Variants in RPRD2 observed in about 807,000 individuals in gnomAD.
RPRD2 encodes regulation of nuclear pre-mRNA domain-containing protein 2.
In RPRD2, 12 loss-of-function variants were observed where a neutral mutation model predicts 104.4. That is an observed-to-expected ratio of 0.11 (90% CI 0.07 to 0.19). The LOEUF is 0.19. Among genes scored for constraint, RPRD2 ranks in the 10% least tolerant of loss-of-function variants. The pLI is 1.00. For synonymous variants in RPRD2, 714 were observed against 684.9 expected, an observed-to-expected ratio of 1.04 and a Z score of -0.66; for missense variants, 1,543 against 1,790.1, an observed-to-expected ratio of 0.86 and a Z score of 2.49.
chr1:150,438,085 C>T (rs1281642801), intron 2 of RPRD2, among the ~76,000 whole-genome samples: 2 of 147,646 alleles, frequency 1.4e-5, no homozygotes, highest in Non-Finnish European at 3.0e-5. Flanking sequence ...AGTTTGAGAC[C>T]AGCCTGGCCA....
intron 1 of RPRD2, among the ~76,000 whole-genome samples, chr1:150,392,140 C>T (rs1454091024): frequency 1.3e-5 from 2 of 151,764 alleles, no homozygotes; most frequent in African/African-American, 4.8e-5. Flanking sequence ...GAGCCAGGAT[C>T]GCACCACTAC....
intron 1 of RPRD2, among the ~76,000 whole-genome samples, chr1:150,382,222 C>G (rs1661189304): frequency 1.4e-5 from 1 of 73,498 alleles, no homozygotes; most frequent in African/African-American, 3.3e-5. Flanking sequence ...TTTTTGAGCC[C>G]TTTCTTATTA....
Position 150,471,385 on chromosome 1 carries a change from CTGA to C in RPRD2, c.2440_2442del (p.Met814del). 2 of 1,613,800 alleles carry C rather than the reference CTGA, an allele frequency of 1.2e-6. No homozygotes were observed. Among genetic ancestry groups the C allele is most frequent in the Non-Finnish European group, 1.7e-6 (2 of 1,179,848 alleles). On this transcript the variant is annotated inframe_deletion, in exon 11 of 11. Coordinates refer to ENST00000369068, the MANE Select transcript of RPRD2 (RefSeq NM_015203.5). The surrounding 1 kb of genome is among the most constrained non-coding windows in gnomAD (Gnocchi z 5.3). ...TGATGGAATGGAGAGACCATCTTCC[CTGA>C]TGGACTCTTCACAGGAAAAGTTCTA...
chr1:150,435,706 A>G (rs182071527), intron 2 of RPRD2, among the ~76,000 whole-genome samples: 6 of 152,358 alleles, frequency 3.9e-5, no homozygotes, highest in Admixed American at 6.5e-5. Flanking sequence ...AGTCATCTCT[A>G]TAACACAAAA....
Position 150,414,195 on chromosome 1 carries a change from T to C in RPRD2, c.206-3401T>C, listed in dbSNP as rs1031359771. Among the ~76,000 whole-genome samples, 3 of 152,142 alleles carry C rather than the reference T, an allele frequency of 2.0e-5. No individual in the cohort carries two copies. The East Asian group carries it at 5.8e-4, about 29-fold the overall frequency. ...TACAGATATGGGAGTCATTGATACA[T>C]AGGTTGAAGTAGTTAAAGCAACTAG... On this transcript the variant is annotated intron_variant, in intron 1 of 10. Transcript: ENST00000369068.
chr1:150,427,214 T>C (rs1665201103), intron 2 of RPRD2, among the ~76,000 whole-genome samples: 2 of 152,174 alleles, frequency 1.3e-5, no homozygotes, highest in African/African-American at 4.8e-5. Flanking sequence ...GGCTCACGCC[T>C]GTAATCCCAG....
At chr1:150,385,311 C>T (rs1411892799) in intron 1 of RPRD2, among the ~76,000 whole-genome samples, 1 of 151,610 alleles carries the variant, frequency 6.6e-6, no homozygotes, top group Non-Finnish European at 1.5e-5. Flanking sequence ...CCCGCACCAC[C>T]CCCACCAAAA....
intron 1 of RPRD2, among the ~76,000 whole-genome samples, chr1:150,393,158 A>G (rs1662218166): frequency 6.6e-6 from 1 of 152,096 alleles, no homozygotes; most frequent in Non-Finnish European, 1.5e-5. Flanking sequence ...TAAAGACGTT[A>G]AGACCCAAAC....
chr1:150,423,830 T>C (rs959654551), intron 2 of RPRD2, among the ~76,000 whole-genome samples: 18 of 151,888 alleles, frequency 1.2e-4, no homozygotes, highest in Non-Finnish European at 2.6e-4. Flanking sequence ...TTCGCTCTTA[T>C]TGCCCAGGCT....
At chr1:150,432,189 AAAAG>A (rs1237774434) in intron 2 of RPRD2, among the ~76,000 whole-genome samples, 9 of 150,710 alleles carry the variant, frequency 6.0e-5, no homozygotes, top group South Asian at 2.1e-4. Flanking sequence ...AAAAAAAAAA[AAAAG>A]AAAGAAAAGT....
intron 8 of RPRD2, among the ~76,000 whole-genome samples, chr1:150,458,452 T>C (rs1174645901): frequency 4.7e-5 from 7 of 147,576 alleles, no homozygotes; most frequent in Non-Finnish European, 9.0e-5. Flanking sequence ...AGACCCTCTC[T>C]CCAAAAAAAA....
intron 10 of RPRD2, among the ~76,000 whole-genome samples, chr1:150,469,743 C>T (rs1668489926): frequency 6.6e-6 from 1 of 152,128 alleles, no homozygotes; most frequent in African/African-American, 2.4e-5. Flanking sequence ...TTTCTCAGTG[C>T]TTCTGAGAAA....
At chr1:150,407,474 T>C (rs1245394502) in intron 1 of RPRD2, among the ~76,000 whole-genome samples, 2 of 152,226 alleles carry the variant, frequency 1.3e-5, no homozygotes, top group East Asian at 1.9e-4. Flanking sequence ...TTACATAGAC[T>C]TAGGCTAGTT....
At chr1:150,383,085 C>G (rs1375957115) in intron 1 of RPRD2, among the ~76,000 whole-genome samples, 1 of 152,054 alleles carries the variant, frequency 6.6e-6, no homozygotes, top group Non-Finnish European at 1.5e-5. Context: ...CTTGACATCC[C>G]GGACTCAGTT....
chr1:150,423,372 G>T (rs781924715), intron 2 of RPRD2, among the ~76,000 whole-genome samples: 1 of 152,172 alleles, frequency 6.6e-6, no homozygotes, highest in South Asian at 2.1e-4. Flanking sequence ...TGGTGTAAGA[G>T]TAGGTATATC....
At chr1:150,365,815 T>C (rs1659799872) in intron 1 of RPRD2, among the ~76,000 whole-genome samples, 1 of 152,114 alleles carries the variant, frequency 6.6e-6, no homozygotes. Context: ...GGTCTCGAAC[T>C]CCCGACCTCA....
At chr1:150,445,099 ATTGT>A (rs1476292278) in intron 6 of RPRD2, among the ~76,000 whole-genome samples, 1 of 152,168 alleles carries the variant, frequency 6.6e-6, no homozygotes, top group Non-Finnish European at 1.5e-5. Context: ...AGGCAAGCAG[ATTGT>A]TTGACCCCAG....
At chr1:150,439,314 G>A (rs1666249886) in intron 2 of RPRD2, among the ~76,000 whole-genome samples, 1 of 152,128 alleles carries the variant, frequency 6.6e-6, no homozygotes, top group Non-Finnish European at 1.5e-5. Flanking sequence ...ATACCTTAGA[G>A]ATATTGAGAT....
chr1:150,369,520 G>A (rs1177687629), intron 1 of RPRD2, among the ~76,000 whole-genome samples: 10 of 128,932 alleles, frequency 7.8e-5, no homozygotes, highest in African/African-American at 1.5e-4. Context: ...GCAGTGGCGC[G>A]ATCTCGGCTC....
Sources: gnomAD v4.1 joint callset for allele counts (sites outside exome capture counted in the v4.1 genomes callset) on GRCh38, gnomAD v4.1.1 for gene constraint, Gnocchi (gnomAD v3.1) non-coding constraint, MANE v1.5 for transcripts, NCBI Gene and HGNC (gene_info 2026-07-23, HGNC 2026-07-21) for gene names.